Variants in ZDHHC20 observed in about 807,000 individuals in gnomAD.
ZDHHC20 encodes palmitoyltransferase ZDHHC20.
ZDHHC20 carries 43 observed loss-of-function variants against 57.8 expected under a neutral mutation model. That is an observed-to-expected ratio of 0.74 (90% CI 0.58 to 0.96). ZDHHC20 has a LOEUF of 0.96. Ranked by LOEUF, ZDHHC20 falls within the 40% of genes least tolerant of loss-of-function variation. The pLI is 0.00. For synonymous variants in ZDHHC20, 157 were observed against 153.0 expected (o/e 1.03, Z -0.19); for missense variants, 391 against 441.1 (o/e 0.89, Z 1.02).
intron 3 of ZDHHC20, among the ~76,000 whole-genome samples, chr13:21,415,443 G>C (rs986912062): frequency 6.6e-6 from 1 of 152,092 alleles, no homozygotes; most frequent in Admixed American, 6.6e-5. Context: ...AATTACTTAT[G>C]GGGGACAAGA....
intron 1 of ZDHHC20, among the ~76,000 whole-genome samples, chr13:21,426,844 T>A (rs1881318417): frequency 6.6e-6 from 1 of 152,170 alleles, no homozygotes; most frequent in Non-Finnish European, 1.5e-5. Context: ...TGACTTCAAG[T>A]GAATCCGCCC....
chr13:21,378,816 A>G (rs1415845891), intron 11 of ZDHHC20, 78 bp from the exon 12 acceptor site: 10 of 790,542 alleles, frequency 1.3e-5, no homozygotes, highest in Admixed American at 3.6e-5. Flanking sequence ...AAATGGTAAA[A>G]TGACAGCAAA....
rs1015877794 is a variant in ZDHHC20 at position 21,373,133 on chromosome 13, A to G, written c.*3563T>C. On this transcript the variant is annotated 3_prime_UTR_variant, in exon 13 of 13. Coordinates refer to ENST00000400590, the MANE Select transcript of ZDHHC20 (RefSeq NM_001330059.2). Reference sequence around the variant, plus strand: ...ATTTTGGCTGAAATGCAAAAATATGACTTTCTTAATAACAGATTAGTTAAA... The same window carrying G: ...ATTTTGGCTGAAATGCAAAAATATGGCTTTCTTAATAACAGATTAGTTAAA... The G allele has an allele frequency of 1.3e-5, 2 of 152,192 alleles. No individual in the cohort carries two copies. Among genetic ancestry groups the G allele is most frequent in the Non-Finnish European group, 2.9e-5 (2 of 68,018 alleles). 9.4% of individuals were successfully genotyped at this position (152,192 alleles called of 1,614,324 possible). A position where few individuals can be genotyped will look rare whatever the true frequency, so the allele number is the denominator to read the frequency against.
chr13:21,412,598 G>A (rs531636115), intron 4 of ZDHHC20, among the ~76,000 whole-genome samples: 76 of 151,976 alleles, frequency 5.0e-4, no homozygotes, highest in Non-Finnish European at 9.1e-4. Context: ...ATGAAAGCCC[G>A]TTGCCTGGAA....
At chr13:21,443,929 A>G (rs1883428440) in intron 1 of ZDHHC20, among the ~76,000 whole-genome samples, 1 of 152,186 alleles carries the variant, frequency 6.6e-6, no homozygotes, top group African/African-American at 2.4e-5. Flanking sequence ...TAGGGAGGCC[A>G]AGGCAGGAGG....
intron 1 of ZDHHC20, among the ~76,000 whole-genome samples, chr13:21,427,251 C>A (rs1300736859): frequency 6.6e-6 from 1 of 152,100 alleles, no homozygotes; most frequent in Admixed American, 6.5e-5. Context: ...ATAGTAACAA[C>A]CCTGCAAGTT....
intron 11 of ZDHHC20, 118 bp from the exon 12 acceptor site, chr13:21,378,856 T>C: frequency 2.1e-6 from 1 of 478,082 alleles, no homozygotes; most frequent in Non-Finnish European, 3.5e-6. Flanking sequence ...CAAAATAGGC[T>C]TATGGTGTCA....
At chr13:21,394,262 G>C (rs545589565) in intron 7 of ZDHHC20, among the ~76,000 whole-genome samples, 3 of 152,166 alleles carry the variant, frequency 2.0e-5, no homozygotes, top group Admixed American at 2.0e-4. Flanking sequence ...GCAGGGACAC[G>C]TATCATGTTC....
At chr13:21,409,841 AG>A (rs1480261393) in intron 4 of ZDHHC20, among the ~76,000 whole-genome samples, 1 of 152,150 alleles carries the variant, frequency 6.6e-6, no homozygotes, top group African/African-American at 2.4e-5. Context: ...ATGCTCCTTT[AG>A]CTCAGCGGAG....
rs1877245542 is a variant in ZDHHC20, at chr13:21,399,084, T to A, written c.594+1289A>T. On this transcript the variant is annotated intron_variant, in intron 7 of 12. Transcript: ENST00000400590. ...TTGGCCAGGTGCAGTGGCTCACACT[T>A]GTAATCCCAGCACTTTGGGAGGCCA... 1.3e-5 allele frequency among the ~76,000 whole-genome samples: 2 copies of A among 152,366 alleles called. 1 individual carries two copies. The highest frequency in any genetic ancestry group is 4.1e-4 in the South Asian group (2 of 4,834).
intron 8 of ZDHHC20, among the ~76,000 whole-genome samples, chr13:21,391,101 A>G (rs1593190186): frequency 6.6e-6 from 1 of 151,638 alleles, no homozygotes; most frequent in Non-Finnish European, 1.5e-5. Context: ...CTGGAGTGCA[A>G]TGGTGCAATT....
chr13:21,439,030 G>A (rs147119947), intron 1 of ZDHHC20, among the ~76,000 whole-genome samples: 6 of 152,274 alleles, frequency 3.9e-5, no homozygotes, highest in South Asian at 2.1e-4. Context: ...TAGGGTGAAC[G>A]TAACTTTTAT....
intron 1 of ZDHHC20, among the ~76,000 whole-genome samples, chr13:21,441,927 A>T (rs998157826): frequency 6.6e-6 from 1 of 152,112 alleles, no homozygotes; most frequent in African/African-American, 2.4e-5. Flanking sequence ...TGAATGTGGT[A>T]ATTAATTCCG....
At chr13:21,452,671 G>A (rs1445142361) in intron 1 of ZDHHC20, among the ~76,000 whole-genome samples, 1 of 152,058 alleles carries the variant, frequency 6.6e-6, no homozygotes, top group South Asian at 2.1e-4. Context: ...CACCATAATA[G>A]CATAAAGGCC....
intron 1 of ZDHHC20, among the ~76,000 whole-genome samples, chr13:21,431,162 T>G (rs1256862424): frequency 6.6e-6 from 1 of 152,140 alleles, no homozygotes; most frequent in Non-Finnish European, 1.5e-5. Context: ...TACCCAAGAC[T>G]AGGAAGAAAA....
chr13:21,450,644 T>G (rs910252704), intron 1 of ZDHHC20, among the ~76,000 whole-genome samples: 7 of 152,152 alleles, frequency 4.6e-5, no homozygotes, highest in African/African-American at 1.7e-4. Context: ...ACTGCAGAAT[T>G]CAAATAAACA....
chr13:21,450,140 G>A (rs947907905), intron 1 of ZDHHC20, among the ~76,000 whole-genome samples: 2 of 151,954 alleles, frequency 1.3e-5, no homozygotes, highest in Non-Finnish European at 2.9e-5. Flanking sequence ...GAGCTATTAG[G>A]AGCAGCAGGT....
At chr13:21,406,113 G>A (rs1878400910) in intron 4 of ZDHHC20, among the ~76,000 whole-genome samples, 1 of 152,172 alleles carries the variant, frequency 6.6e-6, no homozygotes, top group Admixed American at 6.5e-5. Context: ...CACTTGACCA[G>A]TTATTTCCCC....
intron 9 of ZDHHC20, among the ~76,000 whole-genome samples, chr13:21,385,043 AAT>A (rs1874201357): frequency 6.6e-6 from 1 of 152,192 alleles, no homozygotes. Flanking sequence ...AATGATTATA[AAT>A]GTACCTGTGA....
Sources: gnomAD v4.1 joint callset for allele counts (sites outside exome capture counted in the v4.1 genomes callset) on GRCh38, gnomAD v4.1.1 for gene constraint, MANE v1.5 for transcripts, NCBI Gene and HGNC (gene_info 2026-07-23, HGNC 2026-07-21) for gene names.